Variants in KLHL12 observed in about 807,000 individuals in gnomAD.
The protein encoded by KLHL12 is kelch-like protein 12.
KLHL12 carries 17 observed loss-of-function variants against 60.8 expected under a neutral mutation model. The observed-to-expected ratio is 0.28, with a 90% CI of 0.19 to 0.42. The LOEUF is 0.42. Ranked by LOEUF, KLHL12 falls within the 10% of genes least tolerant of loss-of-function variation. The pLI, the probability that KLHL12 is intolerant of heterozygous loss-of-function variation, is 1.00. For synonymous variants in KLHL12, 220 were observed against 250.9 expected (o/e 0.88, Z 1.16); for missense variants, 468 against 722.3 (o/e 0.65, Z 4.04).
At chr1:202,892,824 T>TAAAG (rs1215304509) in intron 11 of KLHL12, among the ~76,000 whole-genome samples, 165 bp from the exon 12 acceptor site, 1 of 152,074 alleles carries the variant, frequency 6.6e-6, no homozygotes, top group Non-Finnish European at 1.5e-5. Flanking sequence ...CAATAAAATT[T>TAAAG]AAAGAAAGAA....
chr1:202,922,411 CA>C (rs1660721779), intron 2 of KLHL12, among the ~76,000 whole-genome samples: 1 of 97,132 alleles, frequency 1.0e-5, no homozygotes. Flanking sequence ...ACTAAAAATA[CA>C]AAAAATTAGC....
At chr1:202,917,962 C>T (rs1446204465) in intron 4 of KLHL12, among the ~76,000 whole-genome samples, 1 of 152,098 alleles carries the variant, frequency 6.6e-6, no homozygotes, top group Non-Finnish European at 1.5e-5. Flanking sequence ...TGATTCTTAC[C>T]CACTGGGATC....
In KLHL12 at chr1:202,894,266, C is replaced by A; in HGVS notation, c.1311G>T (p.Leu437Phe). The change falls in exon 10 of 12, where the codon TTG (leucine) becomes TTT (phenylalanine). Residue 437 changes from leucine to phenylalanine, a missense_variant. Leu to Phe is a conservative substitution (Grantham distance 22, BLOSUM62 0). Transcript: ENST00000367261. ...ATTTCTCAACTGAATTTAAGATATT[C>A]AAGCCGTCATATCCTCCTGGAAGAC... ...VIYCLGGYDG[L>F]NILNSVEKYD... 1 of 1,554,430 alleles carries A rather than the reference C, an allele frequency of 6.4e-7. No homozygotes were observed. The highest frequency in any genetic ancestry group is 2.4e-5 in the East Asian group (1 of 41,752).
chr1:202,902,773 T>C (rs570136869), intron 6 of KLHL12, among the ~76,000 whole-genome samples: 1 of 152,176 alleles, frequency 6.6e-6, no homozygotes, highest in East Asian at 1.9e-4. Flanking sequence ...GCAGATCACA[T>C]GAACCCAGGA....
Position 202,895,933 on chromosome 1 carries a change from A to C in KLHL12, c.940-216T>G, listed in dbSNP as rs943484213. On this transcript the variant is annotated intron_variant, in intron 7 of 11. Transcript: ENST00000367261. This position sits in a 1 kb window ranked among gnomAD's most constrained non-coding sequence, Gnocchi z 4.2. ...GCTCTTAAAGATACAAGCTTTCTGC[A>C]TCTCTGCCTCTTTCCAAGGCTTCCA... 2.0e-4 allele frequency among the ~76,000 whole-genome samples: 31 copies of C among 151,864 alleles called. No individual in the cohort carries two copies. The highest frequency in any genetic ancestry group is 7.0e-4 in the African/African-American group (29 of 41,138).
chr1:202,912,080 C>T, intron 4 of KLHL12: 1 of 796,546 alleles, frequency 1.3e-6, no homozygotes, highest in East Asian at 2.4e-5. Context: ...CCAAAGAGAG[C>T]TGTTTCAAGG....
chr1:202,894,389 CAAGA>C (rs1342516391), intron 9 of KLHL12, 107 bp from the exon 10 acceptor site: 6 of 911,182 alleles, frequency 6.6e-6, no homozygotes, highest in Non-Finnish European at 1.0e-5. Context: ...AATTTTCCCA[CAAGA>C]GTTCCAATAA....
chr1:202,922,052 G>A (rs1388418815), intron 2 of KLHL12, among the ~76,000 whole-genome samples: 1 of 152,170 alleles, frequency 6.6e-6, no homozygotes, highest in Non-Finnish European at 1.5e-5. Context: ...ACTGAAATAT[G>A]TAAGTACATG....
intron 4 of KLHL12, among the ~76,000 whole-genome samples, chr1:202,917,739 T>C (rs777152960): frequency 1.1e-4 from 17 of 152,216 alleles, no homozygotes; most frequent in Admixed American, 2.6e-4. Context: ...TTTTTTTGTC[T>C]ATATCTCTGT....
chr1:202,907,139 C>T (rs962099505), intron 6 of KLHL12, among the ~76,000 whole-genome samples: 6 of 152,184 alleles, frequency 3.9e-5, no homozygotes, highest in African/African-American at 1.4e-4. Context: ...ATTTTGTCAT[C>T]TTGCAGTAGT....
upstream of KLHL12, among the ~76,000 whole-genome samples, chr1:202,927,556 G>A (rs1243909222): frequency 1.5e-5 from 2 of 137,206 alleles, no homozygotes; most frequent in African/African-American, 5.4e-5. Context: ...CCCGCACCGC[G>A]CCTGTAGTCC....
chr1:202,915,148 T>G (rs929914088), intron 4 of KLHL12, among the ~76,000 whole-genome samples: 6 of 152,240 alleles, frequency 3.9e-5, no homozygotes, highest in African/African-American at 1.4e-4. Context: ...CTGGCGTTCT[T>G]ATTTTATGCT....
Position 202,925,215 on chromosome 1 carries a change from AGGG to A in KLHL12, c.-45-11_-45-9del. The stretch of plus-strand genomic sequence containing the variant: ...GGTCCTTGGATTCTGCAACTACAAG[AGGG>A]AAAAAAAAACAATGAGCATATTCAA... On this transcript the variant is annotated splice_polypyrimidine_tract_variant and intron_variant, in intron 1 of 11. Transcript: ENST00000367261. 1 of 1,605,114 alleles carries A rather than the reference AGGG, an allele frequency of 6.2e-7. No individual in the cohort carries two copies. The highest frequency in any genetic ancestry group is 1.7e-5 in the Admixed American group (1 of 58,056).
chr1:202,913,351 T>C (rs940853036), intron 4 of KLHL12, among the ~76,000 whole-genome samples: 2 of 152,158 alleles, frequency 1.3e-5, no homozygotes, highest in African/African-American at 4.8e-5. Flanking sequence ...TTCTGGGAGA[T>C]ACCTTTCAGA....
intron 4 of KLHL12, chr1:202,912,874 A>G (rs1660407109): frequency 5.9e-6 from 4 of 672,298 alleles, no homozygotes; most frequent in African/African-American, 3.5e-5. Context: ...ACAAATACTC[A>G]TGTGTATGGG....
chr1:202,891,248 C>G lies in KLHL12; in HGVS notation c.*1285G>C, dbSNP rs1488263962. 5 of 152,524 alleles carry G rather than the reference C, an allele frequency of 3.3e-5. No homozygotes were observed. Among genetic ancestry groups the G allele is most frequent in the Admixed American group, 1.3e-4 (2 of 15,274 alleles). 9.4% of individuals were successfully genotyped at this position (152,524 alleles called of 1,614,324 possible). A position where few individuals can be genotyped will look rare whatever the true frequency, so the allele number is the denominator to read the frequency against. On this transcript the variant is annotated 3_prime_UTR_variant, in exon 12 of 12. Transcript: ENST00000367261. ...CAAAGGTTGTTTAGGTTATCACATT[C>G]CCACACTCCTAATACCCACAAAACA... is the stretch of plus-strand genomic sequence containing the variant.
intron 6 of KLHL12, among the ~76,000 whole-genome samples, chr1:202,908,574 T>G (rs1480684804): frequency 6.6e-6 from 1 of 152,146 alleles, no homozygotes; most frequent in African/African-American, 2.4e-5. Context: ...CCCATGTACT[T>G]TCTACCACAC....
chr1:202,916,887 C>G (rs1312149193), intron 4 of KLHL12, among the ~76,000 whole-genome samples: 3 of 151,326 alleles, frequency 2.0e-5, no homozygotes, highest in African/African-American at 7.3e-5. Context: ...GGTGGGAGAG[C>G]TGCTTGAGCT....
Position 202,908,116 on chromosome 1 carries a change from A to G in KLHL12, c.832+894T>C, listed in dbSNP as rs1474993655. Among the ~76,000 whole-genome samples the G allele has an allele frequency of 2.0e-5, 3 of 152,238 alleles. No individual in the cohort carries two copies. The East Asian group carries it at 5.8e-4, about 29-fold the overall frequency. On this transcript the variant is annotated intron_variant, in intron 6 of 11. Transcript: ENST00000367261. Reference sequence around the variant, plus strand: ...ACACTATACACCTAGGCTTTTGGACAGTGAAGCAAAGAGAATAGGAAGTGG... The same window carrying G: ...ACACTATACACCTAGGCTTTTGGACGGTGAAGCAAAGAGAATAGGAAGTGG...
Sources: gnomAD v4.1 joint callset for allele counts (sites outside exome capture counted in the v4.1 genomes callset) on GRCh38, gnomAD v4.1.1 for gene constraint, Gnocchi (gnomAD v3.1) non-coding constraint, MANE v1.5 for transcripts, NCBI Gene and HGNC (gene_info 2026-07-23, HGNC 2026-07-21) for gene names.